The following PTPRM variants were observed in gnomAD, a reference collection of about 807,000 sequenced individuals.
PTPRM encodes receptor-type tyrosine-protein phosphatase mu.
In PTPRM, 47 loss-of-function variants were observed where a neutral mutation model predicts 186.7. That is an observed-to-expected ratio of 0.25 (90% CI 0.20 to 0.32). The LOEUF (loss-of-function observed/expected upper bound fraction) is 0.32. Ranked by LOEUF, PTPRM falls within the 10% of genes least tolerant of loss-of-function variation. PTPRM has a pLI of 1.00. For missense variants in PTPRM, 1,494 were observed against 1,865.0 expected (o/e 0.80, Z 3.66); for synonymous variants, 668 against 674.9 (o/e 0.99, Z 0.16).
At chr18:8,053,838 T>C in intron 7 of PTPRM, among the ~76,000 whole-genome samples, 1 of 152,106 alleles carries the variant, frequency 6.6e-6, no homozygotes, top group East Asian at 1.9e-4. Context: ...AGGTTTTGGA[T>C]TTTTATCTGT....
chr18:7,632,836 T>A (rs1431872284), intron 1 of PTPRM, among the ~76,000 whole-genome samples: 3 of 152,192 alleles, frequency 2.0e-5, no homozygotes, highest in Non-Finnish European at 2.9e-5. Context: ...TGAGAAGGGA[T>A]GAAAATGTCT....
intron 23 of PTPRM, among the ~76,000 whole-genome samples, chr18:8,354,453 G>A (rs1460930337): frequency 2.0e-5 from 3 of 152,144 alleles, no homozygotes; most frequent in African/African-American, 7.2e-5. Context: ...ACAGGAAGGG[G>A]ATAGCGACCA....
intron 1 of PTPRM, among the ~76,000 whole-genome samples, chr18:7,611,333 A>G (rs1318130128): frequency 6.6e-6 from 1 of 152,194 alleles, no homozygotes; most frequent in Non-Finnish European, 1.5e-5. Flanking sequence ...AGTGTGCAGT[A>G]ATGTCCTAGG....
chr18:7,850,571 G>C (rs921743652), intron 2 of PTPRM, among the ~76,000 whole-genome samples: 5 of 152,190 alleles, frequency 3.3e-5, no homozygotes, highest in Admixed American at 6.5e-5. Flanking sequence ...TTGCTAAGGA[G>C]GAGGAGCTCT....
intron 7 of PTPRM, among the ~76,000 whole-genome samples, chr18:8,049,068 GCCT>G: frequency 6.6e-6 from 1 of 152,194 alleles, no homozygotes; most frequent in Non-Finnish European, 1.5e-5. Flanking sequence ...AAATCATTTT[GCCT>G]CCTCCTGTTT....
At chr18:7,846,289 G>C (rs1484927577) in intron 2 of PTPRM, among the ~76,000 whole-genome samples, 1 of 152,190 alleles carries the variant, frequency 6.6e-6, no homozygotes, top group Admixed American at 6.5e-5. Context: ...ACATACAGCA[G>C]TGGTGTTTTT....
chr18:7,828,303 G>A (rs888916872), intron 2 of PTPRM, among the ~76,000 whole-genome samples: 4 of 150,712 alleles, frequency 2.7e-5, no homozygotes, highest in African/African-American at 7.3e-5. Context: ...TGTGCACAAT[G>A]TGCAGGTTTG....
chr18:8,344,474 A>ATATATATATATATATATATCTC (rs1318982857), intron 23 of PTPRM, among the ~76,000 whole-genome samples: 16 of 147,284 alleles, frequency 1.1e-4, no homozygotes, highest in African/African-American at 4.1e-4. Flanking sequence ...ATATATATAT[A>ATATATATATATATATATATCTC]TCTAGCAAAA....
At chr18:7,752,607 A>AT (rs1469354301) in intron 1 of PTPRM, among the ~76,000 whole-genome samples, 6 of 151,110 alleles carry the variant, frequency 4.0e-5, no homozygotes, top group East Asian at 2.0e-4. Flanking sequence ...TAATTTTTTT[A>AT]TTTTTTGTAT....
chr18:7,606,801 G>A (rs1598508442), intron 1 of PTPRM, among the ~76,000 whole-genome samples: 1 of 152,164 alleles, frequency 6.6e-6, no homozygotes, highest in South Asian at 2.1e-4. Context: ...TGGGGAGGGA[G>A]GATGTCTTGT....
chr18:7,817,134 C>T (rs2145562907), intron 2 of PTPRM, among the ~76,000 whole-genome samples: 1 of 152,152 alleles, frequency 6.6e-6, no homozygotes, highest in South Asian at 2.1e-4. Flanking sequence ...GCCACTATGC[C>T]TGGCTAATTT....
chr18:8,281,513 G>A (rs1456856569), intron 19 of PTPRM, among the ~76,000 whole-genome samples: 4 of 152,196 alleles, frequency 2.6e-5, no homozygotes, highest in Non-Finnish European at 5.9e-5. Flanking sequence ...TCTCTAAGTG[G>A]CTGTGATGAC....
intron 14 of PTPRM, among the ~76,000 whole-genome samples, chr18:8,189,631 G>T (rs1386000471): frequency 6.6e-6 from 1 of 152,150 alleles, no homozygotes; most frequent in African/African-American, 2.4e-5. Context: ...TTATTCCCTG[G>T]GGGTGGAGTA....
At chr18:7,714,743 A>G (rs1001911978) in intron 1 of PTPRM, among the ~76,000 whole-genome samples, 1 of 152,220 alleles carries the variant, frequency 6.6e-6, no homozygotes, top group Non-Finnish European at 1.5e-5. Flanking sequence ...AAACACCTCT[A>G]CGCAAATAAA....
rs1327171672 is a variant in PTPRM, at chr18:8,143,725, G to T, written c.2246G>T (p.Gly749Val). ...HTVKIAGVIA[G>V]ILLFVIIFLG... Reference sequence around the variant, plus strand: ...GTTAAAATTGCTGGAGTCATCGCGGGCATCTTGCTGTTCGTGATTATATTT... The same window carrying T: ...GTTAAAATTGCTGGAGTCATCGCGGTCATCTTGCTGTTCGTGATTATATTT... Residue 749 changes from glycine to valine, a missense_variant, in exon 14 of 33, where the codon GGC (glycine) becomes GTC (valine). Around this residue, in one of 3 missense-constraint regions of PTPRM, gnomAD observed 1,107 missense variants for 1,350.2 expected, o/e 0.82. Transcript: ENST00000580170. 6.2e-7 allele frequency: 1 copy of T among 1,613,994 alleles called. No homozygotes were observed. Among genetic ancestry groups the T allele is most frequent in the Non-Finnish European group, 8.5e-7 (1 of 1,179,878 alleles).
chr18:8,385,169 G>T (rs1229301522), intron 30 of PTPRM, among the ~76,000 whole-genome samples: 1 of 152,172 alleles, frequency 6.6e-6, no homozygotes, highest in Non-Finnish European at 1.5e-5. Flanking sequence ...ATCAAACATG[G>T]TCAGGTATTA....
At chr18:7,984,330 A>G (rs1387892974) in intron 7 of PTPRM, among the ~76,000 whole-genome samples, 1 of 151,830 alleles carries the variant, frequency 6.6e-6, no homozygotes, top group Non-Finnish European at 1.5e-5. Context: ...CTTGGGTTCA[A>G]AGAGGTTAAA....
intron 2 of PTPRM, among the ~76,000 whole-genome samples, chr18:7,875,420 T>A (rs1277956422): frequency 6.6e-6 from 1 of 150,564 alleles, no homozygotes; most frequent in Non-Finnish European, 1.5e-5. Context: ...GTCTCCTGGG[T>A]TCAAGCGATT....
chr18:7,808,007 T>C (rs2044320596), intron 2 of PTPRM, among the ~76,000 whole-genome samples: 1 of 152,166 alleles, frequency 6.6e-6, no homozygotes, highest in African/African-American at 2.4e-5. Flanking sequence ...TTTCCTGCTG[T>C]CCAAGGAAGA....
Sources: gnomAD v4.1 joint callset for allele counts (sites outside exome capture counted in the v4.1 genomes callset) on GRCh38, gnomAD v4.1.1 for gene constraint, gnomAD v4.1.1 regional missense constraint, MANE v1.5 for transcripts, NCBI Gene and HGNC (gene_info 2026-07-23, HGNC 2026-07-21) for gene names.